Variants in IL34 observed in about 807,000 individuals in gnomAD.
IL34 encodes interleukin 34, also known as interleukin-34.
Under a neutral mutation model 25.3 loss-of-function variants are expected in IL34, and 17 were observed. That is an observed-to-expected ratio of 0.67 (90% CI 0.46 to 1.01). The LOEUF (loss-of-function observed/expected upper bound fraction) is 1.01. Among genes scored for constraint, IL34 ranks in the 50% least tolerant of loss-of-function variants. The pLI is 0.00. For missense variants in IL34, 368 were observed against 312.9 expected (o/e 1.18, Z -1.33); for synonymous variants, 174 against 140.9 (o/e 1.23, Z -1.66).
chr16:70,657,034 G>A lies in IL34; in HGVS notation c.315G>A (p.Val105=). 6.2e-7 allele frequency: 1 copy of A among 1,612,760 alleles called. No homozygotes were observed. Among genetic ancestry groups the A allele is most frequent in the Non-Finnish European group, 8.5e-7 (1 of 1,180,000 alleles). ...TGAGCCTCAGTGCCACTGAGTCGGT[G>A]CAGGACGTGCTGCTCGAGGGCCACC... ...VLVSLSATES[V]QDVLLEGHPS... Residue 105 remains valine, a synonymous_variant, in exon 4 of 6, where the codon GTG becomes GTA. Transcript: ENST00000288098.
upstream of IL34, among the ~76,000 whole-genome samples, chr16:70,643,679 C>T (rs529834694): frequency 1.5e-4 from 23 of 152,184 alleles, no homozygotes; most frequent in Non-Finnish European, 2.9e-4. Context: ...GCAGCCTGTA[C>T]ACTTTAAAAT....
chr16:70,642,813 A>G (rs934189381), upstream of IL34, among the ~76,000 whole-genome samples: 4 of 152,352 alleles, frequency 2.6e-5, no homozygotes, highest in East Asian at 3.9e-4. Context: ...GAAGCCAGAC[A>G]TGAAAGGTCC....
At chr16:70,659,097 T>A (rs1298167148) in intron 4 of IL34, among the ~76,000 whole-genome samples, 1 of 152,170 alleles carries the variant, frequency 6.6e-6, no homozygotes, top group Non-Finnish European at 1.5e-5. Context: ...GTTCAGGGAC[T>A]TGATTCCCTT....
chr16:70,641,026 C>T (rs1052740834), intron 1 of IL34, among the ~76,000 whole-genome samples: 6 of 152,142 alleles, frequency 3.9e-5, no homozygotes, highest in African/African-American at 9.7e-5. Context: ...AATCCCAGCA[C>T]GTTGGGAGGC....
At chr16:70,624,021 G>C (rs552949982) in intron 1 of IL34, among the ~76,000 whole-genome samples, 1 of 151,646 alleles carries the variant, frequency 6.6e-6, no homozygotes, top group Non-Finnish European at 1.5e-5. Context: ...GATGGTCTAC[G>C]GGGCTTTCGA....
At chr16:70,625,359 A>T (rs936796661) in intron 1 of IL34, among the ~76,000 whole-genome samples, 1 of 151,848 alleles carries the variant, frequency 6.6e-6, no homozygotes, top group Non-Finnish European at 1.5e-5. Context: ...GAAATAAGGG[A>T]TTGGGGCACA....
chr16:70,658,187 G>A (rs1432202594), intron 4 of IL34, among the ~76,000 whole-genome samples: 9 of 152,198 alleles, frequency 5.9e-5, no homozygotes, highest in South Asian at 2.1e-4. Flanking sequence ...GTGAGCTTCC[G>A]ACGGTGAAAG....
At chr16:70,608,126 C>CTTT (rs869059231) in intron 1 of IL34, among the ~76,000 whole-genome samples, 1 of 38,870 alleles carries the variant, frequency 2.6e-5, no homozygotes, top group Non-Finnish European at 6.3e-5. Context: ...TTTCTTTTTT[C>CTTT]TTTTTTTTTT....
At chr16:70,629,488 A>T (rs979330854) in intron 1 of IL34, among the ~76,000 whole-genome samples, 4 of 152,214 alleles carry the variant, frequency 2.6e-5, no homozygotes, top group African/African-American at 7.2e-5. Context: ...ATGGACGCTC[A>T]GGTCCCTTAT....
At chr16:70,644,791 A>G (rs547929630), upstream of IL34, among the ~76,000 whole-genome samples, 108 of 134,014 alleles carry the variant, frequency 8.1e-4, no homozygotes, top group African/African-American at 3.0e-3. Context: ...GAGGAAAAGG[A>G]GGAGGGAGGA....
chr16:70,633,322 T>A (rs1361897963), intron 1 of IL34, among the ~76,000 whole-genome samples: 1 of 151,866 alleles, frequency 6.6e-6, no homozygotes, highest in Non-Finnish European at 1.5e-5. Context: ...GACAGGATCA[T>A]GGCTCACTGC....
Position 70,660,188 on chromosome 16 carries a change from G to T in IL34, c.*1G>T. 5 of 1,572,304 alleles carry T rather than the reference G, an allele frequency of 3.2e-6. No individual in the cohort carries two copies. The South Asian group carries it at 5.9e-5, about 19-fold the overall frequency. On this transcript the variant is annotated 3_prime_UTR_variant, in exon 6 of 6. Coordinates refer to ENST00000288098, the MANE Select transcript of IL34 (RefSeq NM_001393494.1). ...ACAGGGCGAGGGCCTCTTGCCCTGA[G>T]CACCCTGGATGGTGACTGCGGATAG...
chr16:70,657,274 G>T, intron 4 of IL34, 153 bp downstream of exon 4: 1 of 798,062 alleles, frequency 1.3e-6, no homozygotes, highest in Non-Finnish European at 1.9e-6. Context: ...GGGGAGGGGT[G>T]CAGGAAAAGA....
chr16:70,598,909 G>A (rs1049896846), intron 1 of IL34, among the ~76,000 whole-genome samples: 4 of 152,198 alleles, frequency 2.6e-5, no homozygotes, highest in Non-Finnish European at 4.4e-5. Flanking sequence ...TTCAGAAGGT[G>A]CAAAATCACA....
At chr16:70,640,990 G>T (rs1167706236) in intron 1 of IL34, among the ~76,000 whole-genome samples, 3 of 152,088 alleles carry the variant, frequency 2.0e-5, no homozygotes, top group Admixed American at 6.6e-5. Flanking sequence ...TGAAAGTGTT[G>T]CCTGGGCGTG....
chr16:70,647,008 T>C (rs1369461878), intron 1 of IL34, 33 bp downstream of exon 1: 9 of 1,436,992 alleles, frequency 6.3e-6, no homozygotes, highest in Non-Finnish European at 8.2e-6. Context: ...GGACCTGCAT[T>C]GGGAGGCCTT....
upstream of IL34, among the ~76,000 whole-genome samples, chr16:70,642,498 A>G (rs927919517): frequency 2.0e-5 from 3 of 151,960 alleles, no homozygotes; most frequent in African/African-American, 7.3e-5. Flanking sequence ...GTGTTTCACC[A>G]TGTTGGTCAG....
chr16:70,657,502 A>G, intron 4 of IL34: 1 of 181,270 alleles, frequency 5.5e-6, no homozygotes, highest in Non-Finnish European at 1.2e-5. Flanking sequence ...GGGCAGTAAA[A>G]CATGCTGCAG....
chr16:70,592,506 A>G (rs1277584538), intron 1 of IL34, among the ~76,000 whole-genome samples: 1 of 152,168 alleles, frequency 6.6e-6, no homozygotes, highest in Non-Finnish European at 1.5e-5. Flanking sequence ...TGGCAGGCTC[A>G]GGGTTCTGAG....
Sources: gnomAD v4.1 joint callset for allele counts (sites outside exome capture counted in the v4.1 genomes callset) on GRCh38, gnomAD v4.1.1 for gene constraint, MANE v1.5 for transcripts, NCBI Gene and HGNC (gene_info 2026-07-23, HGNC 2026-07-21) for gene names.